The following SH3RF1 variants were observed in gnomAD, a reference collection of about 807,000 sequenced individuals.
The protein encoded by SH3RF1 is E3 ubiquitin-protein ligase SH3RF1.
SH3RF1 carries 32 observed loss-of-function variants against 74.0 expected under a neutral mutation model. The ratio of observed to expected loss-of-function variants is 0.43; its 90% confidence interval spans 0.33 to 0.58. SH3RF1 has a LOEUF of 0.58. Among genes scored for constraint, SH3RF1 ranks in the 20% least tolerant of loss-of-function variants. The probability of loss-of-function intolerance (pLI) is 0.05; values close to 1 mark genes in which losing one functional copy is unlikely to be tolerated. For synonymous variants in SH3RF1, 396 were observed against 439.6 expected (o/e 0.90, Z 1.24); for missense variants, 954 against 1,130.9 (o/e 0.84, Z 2.24).
At chr4:169,115,534 C>G (rs1168973776) in intron 10 of SH3RF1, among the ~76,000 whole-genome samples, 1 of 152,108 alleles carries the variant, frequency 6.6e-6, no homozygotes, top group East Asian at 1.9e-4. Flanking sequence ...CCATCATGCC[C>G]AGGTGGGACC....
chr4:169,230,974 CAG>C (rs1396720013), intron 2 of SH3RF1, among the ~76,000 whole-genome samples: 1 of 151,196 alleles, frequency 6.6e-6, no homozygotes, highest in African/African-American at 2.4e-5. Context: ...GGTTGAAAAA[CAG>C]TGTCTTGGTC....
At position 169,229,842 on chromosome 4, in the gene SH3RF1, A is replaced by G. The variant is rs117291048; in HGVS notation, c.393+38978T>C. ...CAAATTGCAACTACAATTAAAATCT[A>G]CTTGAAACAACACAAATATGAAAAG... On this transcript the variant is annotated intron_variant, in intron 2 of 11. Coordinates refer to ENST00000284637, the MANE Select transcript of SH3RF1 (RefSeq NM_020870.4). Among the ~76,000 whole-genome samples, 39 of 152,346 alleles carry G rather than the reference A, an allele frequency of 2.6e-4. No homozygotes were observed. In the East Asian group the frequency reaches 5.4e-3, roughly 21 times the overall value.
At chr4:169,136,045 T>A (rs1733693835) in intron 5 of SH3RF1, among the ~76,000 whole-genome samples, 1 of 152,204 alleles carries the variant, frequency 6.6e-6, no homozygotes, top group African/African-American at 2.4e-5. Flanking sequence ...GATTGCTTGG[T>A]GAAACTGGTA....
intron 8 of SH3RF1, 72 bp downstream of exon 8, chr4:169,120,747 A>T: frequency 6.6e-7 from 1 of 1,510,708 alleles, no homozygotes; most frequent in Non-Finnish European, 9.0e-7. Flanking sequence ...GAATCTGGAT[A>T]GGCTGAAAAC....
intron 7 of SH3RF1, among the ~76,000 whole-genome samples, 200 bp from the exon 8 acceptor site, chr4:169,121,189 C>A (rs1733431171): frequency 6.6e-6 from 1 of 152,204 alleles, no homozygotes. Flanking sequence ...GGCAGAGGCC[C>A]TCCTGATTAA....
rs1293463388 is a variant in SH3RF1 at position 169,156,431 on chromosome 4, T to C, written c.642A>G (p.Ala214=). 3 of 1,596,440 alleles carry C rather than the reference T, an allele frequency of 1.9e-6. No homozygotes were observed. The highest frequency in any genetic ancestry group is 2.6e-6 in the Non-Finnish European group (3 of 1,168,034). Residue 214 remains alanine, a synonymous_variant, in exon 3 of 12, where the codon GCA becomes GCG. Transcript: ENST00000284637. ...LYDFEVKDKE[A]DKDCLPFAKD... ...TTGCAAATGGAAGGCAATCTTTGTC[T>C]GCTTCCTTGTCTTTCACTTCAAAGT...
chr4:169,101,375 T>C (rs1310335151), intron 11 of SH3RF1, among the ~76,000 whole-genome samples: 3 of 152,162 alleles, frequency 2.0e-5, no homozygotes, highest in Admixed American at 6.5e-5. Context: ...GAAGGAAGAC[T>C]ATTGCATGAT....
At chr4:169,248,534 G>A (rs1403081023) in intron 2 of SH3RF1, among the ~76,000 whole-genome samples, 1 of 152,156 alleles carries the variant, frequency 6.6e-6, no homozygotes, top group East Asian at 1.9e-4. Context: ...AATACCTAAT[G>A]CACGCCAGGC....
intron 2 of SH3RF1, among the ~76,000 whole-genome samples, chr4:169,221,606 A>G (rs187253338): frequency 1.3e-5 from 2 of 152,340 alleles, no homozygotes; most frequent in South Asian, 2.1e-4. Context: ...TCTTTATGAT[A>G]GCACTTCATT....
chr4:169,171,923 C>T lies in SH3RF1; in HGVS notation c.394-15244G>A, dbSNP rs543539195. ...AGGTTATATCTGCTTCTTCTCCATC[C>T]GCACTGCAGTGAATCATGTTTATAT... On this transcript the variant is annotated intron_variant, in intron 2 of 11. Coordinates refer to ENST00000284637, the MANE Select transcript of SH3RF1 (RefSeq NM_020870.4). Among the ~76,000 whole-genome samples, 61 of 152,256 alleles carry T rather than the reference C, an allele frequency of 4.0e-4. 2 individuals carry two copies. The South Asian group carries it at 0.011, about 27-fold the overall frequency.
At chr4:169,141,565 G>A (rs1336358513) in intron 4 of SH3RF1, among the ~76,000 whole-genome samples, 1 of 151,010 alleles carries the variant, frequency 6.6e-6, no homozygotes, top group East Asian at 1.9e-4. Flanking sequence ...CTTTTTTTAG[G>A]ATTTGCTTAT....
chr4:169,117,536 A>G lies in SH3RF1; in HGVS notation c.1764T>C (p.Asn588=). 6.2e-7 allele frequency: 1 copy of G among 1,614,216 alleles called. No homozygotes were observed. The highest frequency in any genetic ancestry group is 8.5e-7 in the Non-Finnish European group (1 of 1,180,042). The change falls in exon 9 of 12, where the codon AAT becomes AAC. Residue 588 remains asparagine (N), a synonymous_variant. Coordinates refer to ENST00000284637, the MANE Select transcript of SH3RF1 (RefSeq NM_020870.4). ...GTTCCTCCTTACCTGTCCTCACAGC[A>G]TTGCGGGCCTGGTTGACTGTCATTT... ...TGQMTVNQAR[N]AVRTVAAHNQ...
intron 5 of SH3RF1, among the ~76,000 whole-genome samples, chr4:169,134,615 C>G (rs946458159): frequency 5.3e-5 from 8 of 152,144 alleles, no homozygotes; most frequent in African/African-American, 1.9e-4. Flanking sequence ...TTCACTAGCT[C>G]CCTCCTTCAG....
intron 2 of SH3RF1, among the ~76,000 whole-genome samples, chr4:169,193,085 G>A (rs1320278090): frequency 3.3e-5 from 5 of 152,026 alleles, no homozygotes; most frequent in Non-Finnish European, 7.4e-5. Context: ...GCTAAGCTAT[G>A]AGGATTCAAA....
chr4:169,155,622 C>G (rs753383460), intron 3 of SH3RF1, 47 bp from the exon 4 acceptor site: 4 of 1,345,706 alleles, frequency 3.0e-6, no homozygotes, highest in Non-Finnish European at 4.2e-6. Context: ...TAAGCTGTAC[C>G]ATTAAGCTTG....
chr4:169,132,571 G>A (rs1372129606), intron 5 of SH3RF1, among the ~76,000 whole-genome samples: 2 of 152,158 alleles, frequency 1.3e-5, no homozygotes, highest in African/African-American at 4.8e-5. Flanking sequence ...AGTATGTCTA[G>A]AATAAATGCC....
In SH3RF1 at chr4:169,181,054, C is replaced by T. The variant is rs534473800; in HGVS notation, c.394-24375G>A. ...AAAATAGATGAAATCTGAAATGTAGCCTAACCCAGACACAGAAAAACCACA... is the reference window on the plus strand; with the variant it reads ...AAAATAGATGAAATCTGAAATGTAGTCTAACCCAGACACAGAAAAACCACA... On this transcript the variant is annotated intron_variant, in intron 2 of 11. Transcript: ENST00000284637. Among the ~76,000 whole-genome samples the T allele has an allele frequency of 3.9e-5, 6 of 152,172 alleles. 1 individual carries two copies. Among genetic ancestry groups the T allele is most frequent in the African/African-American group, 1.4e-4 (6 of 41,520 alleles).
At chr4:169,109,615 C>T (rs1733207217) in intron 10 of SH3RF1, among the ~76,000 whole-genome samples, 1 of 152,150 alleles carries the variant, frequency 6.6e-6, no homozygotes, top group South Asian at 2.1e-4. Flanking sequence ...GAATGTTCCA[C>T]TTGAGAGAGA....
At chr4:169,132,620 T>C (rs1001572315) in intron 5 of SH3RF1, among the ~76,000 whole-genome samples, 3 of 152,076 alleles carry the variant, frequency 2.0e-5, no homozygotes, top group Non-Finnish European at 2.9e-5. Flanking sequence ...GGGCTTACCC[T>C]TTTCTCATGG....
Sources: allele counts gnomAD v4.1 joint callset (sites outside exome capture counted in the v4.1 genomes callset), GRCh38; gene constraint gnomAD v4.1.1; transcripts MANE v1.5; gene names NCBI Gene and HGNC (gene_info 2026-07-23, HGNC 2026-07-21).